The following WWOX variants were observed in gnomAD, a reference collection of about 807,000 sequenced individuals.
The protein encoded by WWOX is WW domain containing oxidoreductase, also known as WW domain-containing oxidoreductase.
WWOX carries 69 observed loss-of-function variants against 46.2 expected under a neutral mutation model. That is an observed-to-expected ratio of 1.49 (90% CI 1.23 to 1.82). WWOX has a LOEUF of 1.82. WWOX is among the 40% of genes most tolerant of loss of function. The probability of loss-of-function intolerance (pLI) is 0.00; values close to 1 mark genes in which losing one functional copy is unlikely to be tolerated. For missense variants in WWOX, 919 were observed against 542.6 expected, an observed-to-expected ratio of 1.69 and a Z score of -6.89; for synonymous variants, 359 against 202.6, an observed-to-expected ratio of 1.77 and a Z score of -6.56.
At chr16:78,867,362 A>C (rs2044026368) in intron 8 of WWOX, among the ~76,000 whole-genome samples, 1 of 152,136 alleles carries the variant, frequency 6.6e-6, no homozygotes, top group East Asian at 1.9e-4. Context: ...CCAGAAATAA[A>C]TGGGAACTTA....
intron 5 of WWOX, among the ~76,000 whole-genome samples, chr16:78,380,467 G>T (rs911259553): frequency 6.6e-6 from 1 of 152,126 alleles, no homozygotes; most frequent in South Asian, 2.1e-4. Context: ...TTGTTGTTTT[G>T]AGATGGCTTT....
intron 6 of WWOX, among the ~76,000 whole-genome samples, chr16:78,397,181 A>C (rs1286633497): frequency 6.6e-6 from 1 of 152,154 alleles, no homozygotes; most frequent in Non-Finnish European, 1.5e-5. Context: ...TGCTTTGCTG[A>C]GCTTTGGAAA....
At chr16:78,498,973 C>A (rs1317167349) in intron 8 of WWOX, among the ~76,000 whole-genome samples, 1 of 152,150 alleles carries the variant, frequency 6.6e-6, no homozygotes, top group Non-Finnish European at 1.5e-5. Context: ...TATGAAGGCT[C>A]AAGGAATACT....
intron 8 of WWOX, among the ~76,000 whole-genome samples, chr16:78,529,087 G>A (rs1157989696): frequency 1.3e-5 from 2 of 151,502 alleles, no homozygotes; most frequent in East Asian, 1.9e-4. Flanking sequence ...CTGAGTCACT[G>A]GGACTACAGG....
intron 8 of WWOX, among the ~76,000 whole-genome samples, chr16:79,146,159 G>C (rs1349230486): frequency 1.3e-5 from 2 of 152,182 alleles, no homozygotes; most frequent in Admixed American, 1.3e-4. Context: ...ATATGAAGTA[G>C]GCTTATAATT....
chr16:78,807,896 A>G (rs534937312), intron 8 of WWOX, among the ~76,000 whole-genome samples: 7 of 152,362 alleles, frequency 4.6e-5, no homozygotes, highest in Non-Finnish European at 1.0e-4. Flanking sequence ...CTCAGTAGCT[A>G]CATGTACCTA....
At chr16:78,122,213 C>G (rs554912076) in intron 4 of WWOX, among the ~76,000 whole-genome samples, 1 of 152,232 alleles carries the variant, frequency 6.6e-6, no homozygotes, top group Non-Finnish European at 1.5e-5. Flanking sequence ...TCAGGCATCA[C>G]TGTGGGTCTT....
chr16:78,489,087 G>C (rs2084713460), intron 8 of WWOX, among the ~76,000 whole-genome samples: 1 of 152,104 alleles, frequency 6.6e-6, no homozygotes, highest in Non-Finnish European at 1.5e-5. Flanking sequence ...TTCTAGCTGA[G>C]ATGAGATTTT....
chr16:78,432,482 T>G lies in WWOX; in HGVS notation c.792-6T>G, dbSNP rs771690273. The G allele has an allele frequency of 2.5e-5, 40 of 1,613,962 alleles. 1 individual carries two copies. Among genetic ancestry groups the G allele is most frequent in the Non-Finnish European group, 3.3e-5 (39 of 1,180,026 alleles). ...GTTGCTTCATGTCATATTTCCTATT[T>G]TTAAGATTTACAGATATTAACGACT... On this transcript the variant is annotated splice_region_variant and splice_polypyrimidine_tract_variant and intron_variant, in intron 7 of 8. Coordinates refer to ENST00000566780, the MANE Select transcript of WWOX (RefSeq NM_016373.4).
chr16:78,993,270 G>C (rs890246143), intron 8 of WWOX, among the ~76,000 whole-genome samples: 1 of 151,918 alleles, frequency 6.6e-6, no homozygotes, highest in African/African-American at 2.4e-5. Flanking sequence ...TTGGGGGTGG[G>C]GGGAGGTTGG....
intron 5 of WWOX, among the ~76,000 whole-genome samples, chr16:78,165,497 C>G (rs1198956668): frequency 6.6e-6 from 1 of 152,014 alleles, no homozygotes; most frequent in African/African-American, 2.4e-5. Context: ...AGTGATTGAA[C>G]TAAGATCTGA....
intron 5 of WWOX, among the ~76,000 whole-genome samples, chr16:78,255,211 C>T (rs1320941122): frequency 6.6e-6 from 1 of 152,210 alleles, no homozygotes; most frequent in African/African-American, 2.4e-5. Context: ...CCCCGTCCCC[C>T]TGCTGTCCTT....
At chr16:78,391,653 G>C (rs1413336870) in intron 6 of WWOX, among the ~76,000 whole-genome samples, 1 of 152,156 alleles carries the variant, frequency 6.6e-6, no homozygotes, top group Non-Finnish European at 1.5e-5. Context: ...TTTGAGAACA[G>C]CCTGGCCAAC....
intron 5 of WWOX, among the ~76,000 whole-genome samples, chr16:78,371,462 T>C (rs2081683783): frequency 6.6e-6 from 1 of 152,210 alleles, no homozygotes; most frequent in Non-Finnish European, 1.5e-5. Context: ...GTTCTGTAGC[T>C]CTTTTAGTTG....
chr16:78,689,297 C>G (rs927669398), intron 8 of WWOX, among the ~76,000 whole-genome samples: 1 of 152,212 alleles, frequency 6.6e-6, no homozygotes, highest in Non-Finnish European at 1.5e-5. Context: ...GTCTGCACGC[C>G]TTGTATTTTT....
At chr16:78,355,635 G>T in intron 5 of WWOX, 1 of 613,062 alleles carries the variant, frequency 1.6e-6, no homozygotes, top group Non-Finnish European at 3.0e-6. Flanking sequence ...AGAAACGACC[G>T]AGAGCTTCGA....
intron 8 of WWOX, among the ~76,000 whole-genome samples, chr16:78,822,322 C>A (rs1044007219): frequency 1.8e-4 from 27 of 152,052 alleles, no homozygotes; most frequent in Non-Finnish European, 4.0e-4. Context: ...GACGAAACGC[C>A]ATCTCTACTA....
intron 5 of WWOX, among the ~76,000 whole-genome samples, chr16:78,202,792 T>G (rs568373998): frequency 1.6e-3 from 143 of 88,040 alleles, no homozygotes; most frequent in African/African-American, 8.3e-3. Flanking sequence ...CAATTTTTTG[T>G]TTTTTTCATT....
intron 5 of WWOX, among the ~76,000 whole-genome samples, chr16:78,326,847 C>T (rs1467674869): frequency 6.6e-6 from 1 of 152,068 alleles, no homozygotes; most frequent in Non-Finnish European, 1.5e-5. Flanking sequence ...TCCAGTAAAG[C>T]TCAGTATCTG....
Sources: allele counts gnomAD v4.1 joint callset (sites outside exome capture counted in the v4.1 genomes callset), GRCh38; gene constraint gnomAD v4.1.1; transcripts MANE v1.5; gene names NCBI Gene and HGNC (gene_info 2026-07-23, HGNC 2026-07-21).